Variants in SRGAP3 observed in about 807,000 individuals in gnomAD.
SRGAP3 encodes SLIT-ROBO Rho GTPase-activating protein 3.
A neutral mutation model predicts 121.1 loss-of-function variants in SRGAP3; 39 were observed. The ratio of observed to expected loss-of-function variants is 0.32; its 90% CI spans 0.25 to 0.42. The LOEUF (loss-of-function observed/expected upper bound fraction) is 0.42, where lower values mean the gene tolerates loss of function less well. Among genes scored for constraint, SRGAP3 ranks in the 10% least tolerant of loss-of-function variants. The probability of loss-of-function intolerance (pLI) is 1.00; values close to 1 mark genes in which losing one functional copy is unlikely to be tolerated. For missense variants in SRGAP3, 1,213 were observed against 1,470.6 expected (o/e 0.82, Z 2.86); for synonymous variants, 601 against 570.0 (o/e 1.05, Z -0.77).
At position 9,221,068 on chromosome 3, in the gene SRGAP3, C is replaced by T. The variant is rs564192878; in HGVS notation, c.67+27817G>A. Among the ~76,000 whole-genome samples the T allele has an allele frequency of 2.0e-5, 3 of 152,318 alleles. No homozygotes were observed. In the East Asian group the frequency reaches 5.8e-4, roughly 29 times the overall value. ...CATGGCCAGGACATGCATCTGCCAG[C>T]CTGGACTTCCTCTTGCCTGTGTAGA... On this transcript the variant is annotated intron_variant, in intron 1 of 21. Transcript: ENST00000383836.
intron 2 of SRGAP3, among the ~76,000 whole-genome samples, chr3:9,119,428 A>C (rs1002187501): frequency 4.0e-5 from 6 of 151,862 alleles, no homozygotes; most frequent in Non-Finnish European, 7.4e-5. Context: ...TCCCACACTC[A>C]CCAGTTCCAG....
chr3:9,149,603 C>T (rs1296887370), intron 1 of SRGAP3, among the ~76,000 whole-genome samples: 1 of 152,184 alleles, frequency 6.6e-6, no homozygotes, highest in East Asian at 1.9e-4. Flanking sequence ...CTCTTGCACC[C>T]CTGCCATCAC....
At chr3:9,159,513 T>C (rs1377045686) in intron 1 of SRGAP3, among the ~76,000 whole-genome samples, 1 of 152,162 alleles carries the variant, frequency 6.6e-6, no homozygotes, top group Admixed American at 6.5e-5. Flanking sequence ...GTGAGAGAGA[T>C]AAGGGCAACA....
chr3:9,203,265 A>T (rs1370327625), intron 1 of SRGAP3, among the ~76,000 whole-genome samples: 1 of 152,174 alleles, frequency 6.6e-6, no homozygotes, highest in Non-Finnish European at 1.5e-5. Flanking sequence ...TCCCAAGCTC[A>T]GGAGAATCAC....
intron 3 of SRGAP3, among the ~76,000 whole-genome samples, chr3:9,278,631 T>G (rs1236997150): frequency 6.6e-6 from 1 of 152,158 alleles, no homozygotes; most frequent in Non-Finnish European, 1.5e-5. Flanking sequence ...CTATTTAAAG[T>G]AGGCATAGTG....
chr3:8,983,010 CTGAT>C lies in SRGAP3; in HGVS notation c.*2505_*2508del, dbSNP rs1245735733. On this transcript the variant is annotated 3_prime_UTR_variant, in exon 22 of 22. Transcript: ENST00000383836. ...ATATCAGGCAACAGATTTTTCTACT[CTGAT>C]TGTTGCTTTTCATCTGGCAGTTGTG... 1.7e-5 allele frequency: 4 copies of C among 228,632 alleles called. No individual in the cohort carries two copies. Among genetic ancestry groups the C allele is most frequent in the African/African-American group, 8.9e-5 (4 of 45,060 alleles). 14.2% of individuals were successfully genotyped at this position (228,632 alleles called of 1,614,324 possible).
chr3:8,999,298 C>G (rs1942605528), intron 18 of SRGAP3, among the ~76,000 whole-genome samples: 1 of 152,212 alleles, frequency 6.6e-6, no homozygotes, highest in Non-Finnish European at 1.5e-5. Flanking sequence ...TCAGAGACGG[C>G]TACACTGGTG....
intron 11 of SRGAP3, 39 bp downstream of exon 11, chr3:9,038,024 G>A: frequency 6.2e-7 from 1 of 1,613,992 alleles, no homozygotes; most frequent in East Asian, 2.2e-5. Flanking sequence ...TCCCACCTCG[G>A]GCAGCAGATG....
At chr3:9,260,521 T>C (rs1954232433) in intron 3 of SRGAP3, among the ~76,000 whole-genome samples, 1 of 152,272 alleles carries the variant, frequency 6.6e-6, no homozygotes, top group Non-Finnish European at 1.5e-5. Flanking sequence ...ATAATGTAAA[T>C]AAAGCCACTG....
rs574979377 is a variant in SRGAP3, at chr3:9,019,539, C to T, written c.1679-3808G>A. 6.6e-5 allele frequency among the ~76,000 whole-genome samples: 10 copies of T among 152,312 alleles called. No homozygotes were observed. The South Asian group carries it at 8.3e-4, about 13-fold the overall frequency. On this transcript the variant is annotated intron_variant, in intron 14 of 21. Coordinates refer to ENST00000383836, the MANE Select transcript of SRGAP3 (RefSeq NM_014850.4). The stretch of plus-strand genomic sequence containing the variant: ...TGCTGTTTTGATGTTCAGAGACATC[C>T]ACACAATGGGCTGCTCCTCCTCCTG...
intron 1 of SRGAP3, among the ~76,000 whole-genome samples, chr3:9,208,195 G>A (rs1035695143): frequency 2.6e-5 from 4 of 152,098 alleles, no homozygotes; most frequent in East Asian, 1.9e-4. Flanking sequence ...CCCCCGAGAT[G>A]TTTATGGGTT....
At chr3:9,238,531 C>T (rs926489911) in intron 1 of SRGAP3, among the ~76,000 whole-genome samples, 7 of 152,066 alleles carry the variant, frequency 4.6e-5, no homozygotes, top group Non-Finnish European at 8.8e-5. Flanking sequence ...TTTCCTAGAC[C>T]AAAGTGGAGA....
intron 2 of SRGAP3, among the ~76,000 whole-genome samples, chr3:9,328,708 G>A (rs1472200686): frequency 1.3e-5 from 2 of 152,168 alleles, no homozygotes; most frequent in Non-Finnish European, 2.9e-5. Context: ...AAACCAGAAA[G>A]GACTTACTTC....
intron 1 of SRGAP3, among the ~76,000 whole-genome samples, chr3:9,352,050 G>A (rs1227106039): frequency 6.6e-6 from 1 of 152,100 alleles, no homozygotes; most frequent in Non-Finnish European, 1.5e-5. Context: ...AATTAAGAGA[G>A]ACTGGTGATT....
intron 1 of SRGAP3, among the ~76,000 whole-genome samples, chr3:9,133,439 G>A (rs1319569605): frequency 1.3e-5 from 2 of 152,146 alleles, no homozygotes; most frequent in Admixed American, 6.5e-5. Flanking sequence ...AGCTGAGATT[G>A]TGCCACTGCA....
chr3:9,300,706 G>A (rs1955040966), intron 3 of SRGAP3, among the ~76,000 whole-genome samples: 1 of 152,214 alleles, frequency 6.6e-6, no homozygotes, highest in Non-Finnish European at 1.5e-5. Context: ...TCCCCCAGGA[G>A]ATATTTCATG....
chr3:9,028,920 C>G (rs896828717), intron 12 of SRGAP3, among the ~76,000 whole-genome samples: 1 of 152,208 alleles, frequency 6.6e-6, no homozygotes, highest in African/African-American at 2.4e-5. Context: ...CTAAAAGCCA[C>G]TGATGATGCC....
chr3:9,047,314 T>G, intron 10 of SRGAP3, 77 bp downstream of exon 10: 4 of 1,476,836 alleles, frequency 2.7e-6, no homozygotes, highest in Non-Finnish European at 3.8e-6. Context: ...CCTGAACAGC[T>G]CAACACGTCA....
chr3:9,313,518 A>C (rs966189072), intron 3 of SRGAP3, among the ~76,000 whole-genome samples: 1 of 151,708 alleles, frequency 6.6e-6, no homozygotes, highest in Admixed American at 6.6e-5. Context: ...GCGAAACTCC[A>C]TCTCTACTAA....
Sources: gnomAD v4.1 joint callset for allele counts (sites outside exome capture counted in the v4.1 genomes callset) on GRCh38, gnomAD v4.1.1 for gene constraint, MANE v1.5 for transcripts, NCBI Gene and HGNC (gene_info 2026-07-23, HGNC 2026-07-21) for gene names.